The following KRT73 variants were observed in gnomAD, a reference collection of about 807,000 sequenced individuals.
KRT73 encodes the protein keratin 73.
A neutral mutation model predicts 47.2 loss-of-function variants in KRT73; 44 were observed. That is an observed-to-expected ratio of 0.93 (90% CI 0.73 to 1.20). KRT73 has a LOEUF of 1.20. Ranked by LOEUF, KRT73 falls within the 50% of genes most tolerant of loss-of-function variation. The pLI is 0.00. For synonymous variants in KRT73, 285 were observed against 291.3 expected (o/e 0.98, Z 0.22); for missense variants, 713 against 704.5 (o/e 1.01, Z -0.14).
intron 7 of KRT73, 28 bp downstream of exon 7, chr12:52,610,586 GT>G: frequency 6.8e-7 from 1 of 1,462,344 alleles, no homozygotes. Context: ...GAGACTTGCA[GT>G]TTCTTCCAGT....
chr12:52,627,629 C>T, the KRT73 span, among the ~76,000 whole-genome samples: 1 of 152,160 alleles, frequency 6.6e-6, no homozygotes, highest in Non-Finnish European at 1.5e-5. Flanking sequence ...ACTCCACACC[C>T]TCTGGCCATT....
At chr12:52,624,384 A>T in the KRT73 span, among the ~76,000 whole-genome samples, 1 of 152,106 alleles carries the variant, frequency 6.6e-6, no homozygotes, top group South Asian at 2.1e-4. Flanking sequence ...GATATAAAAG[A>T]ACTTAACAGT....
chr12:52,628,270 G>T, the KRT73 span, among the ~76,000 whole-genome samples: 1 of 152,086 alleles, frequency 6.6e-6, no homozygotes, highest in Non-Finnish European at 1.5e-5. Flanking sequence ...GGCAGAAGGG[G>T]AGACACCTGA....
the KRT73 span, among the ~76,000 whole-genome samples, chr12:52,630,331 C>A: frequency 2.0e-5 from 3 of 152,194 alleles, no homozygotes; most frequent in African/African-American, 7.2e-5. Context: ...CACCTGCACG[C>A]CTGGCCCTCC....
In KRT73 at chr12:52,609,275, G is replaced by T. The variant is rs35061049; in HGVS notation, c.1338C>A (p.Ser446=). ...KLLEGEECRM[S]GEYTNSVSIS... ...TGCTCACGGAGTTGGTATATTCTCC[G>T]GACATCCTGCAAGAGAGAAAAGCAC... The change falls in exon 8 of 9, where the codon TCC becomes TCA. Residue 446 remains serine (S), a synonymous_variant. Transcript: ENST00000305748. The T allele has an allele frequency of 0.013, 21,550 of 1,613,022 alleles. 183 individuals carry two copies. The highest frequency in any genetic ancestry group is 0.016 in the Non-Finnish European group (18,909 of 1,179,066).
Position 52,611,179 on chromosome 12 carries a change from TAAGG to T in KRT73, c.1110+21_1110+24del, listed in dbSNP as rs759430461. The T allele has an allele frequency of 7.4e-6, 12 of 1,613,574 alleles. No individual in the cohort carries two copies. The South Asian group carries it at 1.3e-4, about 18-fold the overall frequency. On this transcript the variant is annotated intron_variant, in intron 6 of 8. Coordinates refer to ENST00000305748, the MANE Select transcript of KRT73 (RefSeq NM_175068.3). ...AGTTCACCCCTCCCTTAGGAGTGAG[TAAGG>T]AAGGCTCCAGTCCCCTTCACCTGCT...
rs138468964 is a variant in KRT73, at chr12:52,618,140, G to A, written c.385C>T (p.Arg129Cys). 42 of 1,613,740 alleles carry A rather than the reference G, an allele frequency of 2.6e-5. No individual in the cohort carries two copies. The African/African-American group carries it at 4.3e-4, about 16-fold the overall frequency. Residue 129 changes from arginine (R) to cysteine (C), a missense_variant, in exon 1 of 9, where the codon CGT becomes TGT. Arg to Cys is a radical substitution (Grantham distance 180, BLOSUM62 -3). Transcript: ENST00000305748. The part of the protein sequence containing the change: ...VELDPEIQKV[R>C]AQEREQIKVL... The stretch of plus-strand genomic sequence containing the variant: ...TTGATCTGCTCCCGCTCCTGGGCAC[G>A]CACTTTCTGGATTTCAGGGTCCAGC...
Position 52,610,529 on chromosome 12 carries a change from G to GCGGGGGGGGGGCCCCCCCCC in KRT73, c.1331+85_1331+86insGGGGGGGGGCCCCCCCCCCG. On this transcript the variant is annotated intron_variant, in intron 7 of 8. Coordinates refer to ENST00000305748, the MANE Select transcript of KRT73 (RefSeq NM_175068.3). ...GAAGTAAACACATCGCCAGCTCGCC[G>GCGGGGGGGGGGCCCCCCCCC]CCCCCTCCCCCCCGCCCCCAACCAC... 1.0e-5 allele frequency: 3 copies of GCGGGGGGGGGGCCCCCCCCC among 295,156 alleles called. 1 individual carries two copies. Among genetic ancestry groups the GCGGGGGGGGGGCCCCCCCCC allele is most frequent in the Non-Finnish European group, 1.4e-5 (2 of 147,648 alleles). 18.3% of individuals were successfully genotyped at this position (295,156 alleles called of 1,614,324 possible).
upstream of KRT73, among the ~76,000 whole-genome samples, chr12:52,620,553 G>A (rs1482030239): frequency 1.3e-5 from 2 of 152,132 alleles, no homozygotes; most frequent in African/African-American, 4.8e-5. Context: ...GGTGATTCAG[G>A]CCTGCATCTC....
the KRT73 span, among the ~76,000 whole-genome samples, chr12:52,627,069 T>G: frequency 6.6e-6 from 1 of 152,250 alleles, no homozygotes; most frequent in East Asian, 1.9e-4. Flanking sequence ...CACCTACTTA[T>G]GTGCCCAGCA....
intron 7 of KRT73, 62 bp downstream of exon 7, chr12:52,610,552 CA>C: frequency 1.0e-5 from 12 of 1,169,916 alleles, no homozygotes; most frequent in Admixed American, 5.8e-5. Context: ...CGCCCCCAAC[CA>C]CACTCTGGGA....
At chr12:52,623,640 ACTGT>A in the KRT73 span, among the ~76,000 whole-genome samples, 2 of 152,242 alleles carry the variant, frequency 1.3e-5, no homozygotes, top group Admixed American at 6.5e-5. Context: ...AAATTCTAAC[ACTGT>A]CTGATGTGAT....
intron 6 of KRT73, 22 bp downstream of exon 6, chr12:52,611,182 G>A: frequency 6.2e-7 from 1 of 1,613,854 alleles, no homozygotes; most frequent in Non-Finnish European, 8.5e-7. Context: ...GAGTGAGTAA[G>A]GAAGGCTCCA....
At chr12:52,615,017 C>G (rs1217567366) in intron 3 of KRT73, 12 of 537,662 alleles carry the variant, frequency 2.2e-5, no homozygotes, top group East Asian at 1.8e-4. Context: ...CAGCCCCTCC[C>G]AAAGCCTGTC....
rs1190249282 is a variant in KRT73, at chr12:52,610,721, C to T, written c.1225G>A (p.Glu409Lys). The T allele has an allele frequency of 9.3e-6, 15 of 1,613,900 alleles. No individual in the cohort carries two copies. In the Admixed American group the frequency reaches 2.5e-4, roughly 27 times the overall value. Residue 409 changes from glutamate to lysine, a missense_variant, in exon 7 of 9, where the codon GAG becomes AAG. Coordinates refer to ENST00000305748, the MANE Select transcript of KRT73 (RefSeq NM_175068.3). ...LEGALQQAKEELARMLREYQE... is the reference protein window; with the variant it reads ...LEGALQQAKEKLARMLREYQE... ...TACTCGCGCAGCATCCGTGCCAGCT[C>T]CTCCTTGGCCTGCTGCAGGGCGCCC...
At chr12:52,626,877 C>G in the KRT73 span, among the ~76,000 whole-genome samples, 1 of 152,180 alleles carries the variant, frequency 6.6e-6, no homozygotes, top group African/African-American at 2.4e-5. Context: ...AGTTTTAAAA[C>G]TAGGAAAGTT....
chr12:52,618,170 C>T lies in KRT73; in HGVS notation c.355G>A (p.Val119Met), dbSNP rs747221266. 3.1e-5 allele frequency: 50 copies of T among 1,613,908 alleles called. No homozygotes were observed. Among genetic ancestry groups the T allele is most frequent in the Admixed American group, 3.3e-5 (2 of 59,998 alleles). Residue 119 changes from valine (V) to methionine (M), a missense_variant, in exon 1 of 9, where the codon GTG (valine) becomes ATG (methionine). By Grantham distance (21) the Val-to-Met change is conservative. Coordinates refer to ENST00000305748, the MANE Select transcript of KRT73 (RefSeq NM_175068.3). The stretch of plus-strand genomic sequence containing the variant: ...TTCTGGATTTCAGGGTCCAGCTCCA[C>T]GTTCAGGGGTGCCAGGAGGCTCTTG... ...INKSLLAPLN[V>M]ELDPEIQKVR...
chr12:52,614,037 T>A, intron 4 of KRT73, 185 bp from the exon 5 acceptor site: 1 of 825,676 alleles, frequency 1.2e-6, no homozygotes, highest in Non-Finnish European at 1.8e-6. Flanking sequence ...AACTGCTGAA[T>A]GGGTTTGAAG....
intron 7 of KRT73, chr12:52,609,898 G>GA (rs1392343646): frequency 1.3e-5 from 2 of 152,784 alleles, no homozygotes; most frequent in South Asian, 4.2e-4. Flanking sequence ...AACCAAATAA[G>GA]AAAAAAAGTA....
Sources: allele counts gnomAD v4.1 joint callset (sites outside exome capture counted in the v4.1 genomes callset), GRCh38; gene constraint gnomAD v4.1.1; transcripts MANE v1.5; gene names NCBI Gene and HGNC (gene_info 2026-07-23, HGNC 2026-07-21).